The following NNMT variants were observed in gnomAD, a reference collection of about 807,000 sequenced individuals.
The protein encoded by NNMT is nicotinamide N-methyltransferase.
NNMT carries 10 observed loss-of-function variants against 11.7 expected under a neutral mutation model. That is an observed-to-expected ratio of 0.85 (90% CI 0.53 to 1.45). The LOEUF is 1.45. NNMT is among the 40% of genes most tolerant of loss of function. The pLI, the probability that NNMT is intolerant of heterozygous loss-of-function variation, is 0.00. For missense variants in NNMT, 381 were observed against 319.4 expected (o/e 1.19, Z -1.47); for synonymous variants, 143 against 133.8 (o/e 1.07, Z -0.48).
At chr11:114,274,181 C>T (rs1001106778) in intron 2 of NNMT, among the ~76,000 whole-genome samples, 1 of 152,196 alleles carries the variant, frequency 6.6e-6, no homozygotes, top group Non-Finnish European at 1.5e-5. Context: ...CCCAAACAAA[C>T]GTGTCTCTCT....
chr11:114,293,890 T>A (rs116713370), upstream of NNMT, among the ~76,000 whole-genome samples: 503 of 152,186 alleles, frequency 3.3e-3, 4 homozygotes, highest in South Asian at 0.019. Context: ...ACTCTAAGTG[T>A]CCATTAGCAG....
At position 114,269,782 on chromosome 11, in the gene NNMT, C is replaced by T. The variant is rs75085005; in HGVS notation, c.-130+6848C>T. Among the ~76,000 whole-genome samples, 71 of 152,270 alleles carry T rather than the reference C, an allele frequency of 4.7e-4. No homozygotes were observed. The East Asian group carries it at 0.013, about 29-fold the overall frequency. ...TGGCTTCTGTACTCATTACTTTATT[C>T]GTTTACTAGTGTCGACTTTTATCTT... On this transcript the variant is annotated intron_variant, in intron 2 of 4. Transcript: ENST00000535401.
chr11:114,273,697 G>A (rs1438943947), intron 2 of NNMT, among the ~76,000 whole-genome samples: 12 of 152,028 alleles, frequency 7.9e-5, no homozygotes, highest in Admixed American at 3.3e-4. Flanking sequence ...AAAATTAGCC[G>A]GGTATGGTGG....
intron 2 of NNMT, among the ~76,000 whole-genome samples, chr11:114,310,747 C>T (rs953443735): frequency 1.3e-5 from 2 of 152,226 alleles, no homozygotes; most frequent in Admixed American, 6.5e-5. Context: ...GTGCAATACC[C>T]AGGGGTCACT....
At chr11:114,295,582 GC>G (rs1437302681), upstream of NNMT, among the ~76,000 whole-genome samples, 1 of 151,394 alleles carries the variant, frequency 6.6e-6, no homozygotes, top group Non-Finnish European at 1.5e-5. Context: ...CTACCACCAA[GC>G]CCAGCTAATT....
intron 1 of NNMT, among the ~76,000 whole-genome samples, chr11:114,259,172 T>G (rs1301343165): frequency 6.6e-6 from 1 of 152,092 alleles, no homozygotes; most frequent in Admixed American, 6.5e-5. Context: ...CGGTAAATCT[T>G]TGTTGTATAA....
chr11:114,272,667 C>A (rs1464949045), intron 2 of NNMT, among the ~76,000 whole-genome samples: 1 of 152,216 alleles, frequency 6.6e-6, no homozygotes, highest in Non-Finnish European at 1.5e-5. Flanking sequence ...CTCTCTCCAC[C>A]TGCAGGGTGG....
chr11:114,285,147 T>C (rs1276788090), intron 2 of NNMT, among the ~76,000 whole-genome samples: 1 of 152,128 alleles, frequency 6.6e-6, no homozygotes, highest in African/African-American at 2.4e-5. Context: ...CTCCTTGGCA[T>C]CCTTCTCAAA....
chr11:114,286,786 C>A (rs1288494753), intron 2 of NNMT, among the ~76,000 whole-genome samples: 1 of 152,120 alleles, frequency 6.6e-6, no homozygotes, highest in Non-Finnish European at 1.5e-5. Context: ...AGGTGTGTAC[C>A]TGGACTGTAA....
chr11:114,267,007 T>G (rs10082624), intron 2 of NNMT, among the ~76,000 whole-genome samples: 4,680 of 152,292 alleles, frequency 0.031, 206 homozygotes, highest in African/African-American at 0.1. Flanking sequence ...GCTCACACTT[T>G]TAATCCCAGC....
upstream of NNMT, among the ~76,000 whole-genome samples, chr11:114,291,780 G>A (rs998461966): frequency 3.3e-5 from 5 of 152,074 alleles, no homozygotes; most frequent in Non-Finnish European, 5.9e-5. Context: ...TTCTGCATTT[G>A]CCACCTCTGT....
chr11:114,264,767 G>C (rs76191656), intron 2 of NNMT, among the ~76,000 whole-genome samples: 3,209 of 152,304 alleles, frequency 0.021, 97 homozygotes, highest in African/African-American at 0.071. Context: ...TTGCTAGAGT[G>C]GTTCACTGAA....
intron 2 of NNMT, among the ~76,000 whole-genome samples, chr11:114,265,957 C>G (rs1945116759): frequency 6.6e-6 from 1 of 152,110 alleles, no homozygotes; most frequent in African/African-American, 2.4e-5. Context: ...TGATGTTTGT[C>G]ACAGTACTGA....
Position 114,305,325 on chromosome 11 carries a change from T to C in NNMT, c.363-6720T>C, listed in dbSNP as rs183061198. Among the ~76,000 whole-genome samples, 4 of 149,340 alleles carry C rather than the reference T, an allele frequency of 2.7e-5. No homozygotes were observed. The East Asian group carries it at 8.0e-4, about 30-fold the overall frequency. On this transcript the variant is annotated intron_variant, in intron 2 of 2. Coordinates refer to ENST00000299964, the MANE Select transcript of NNMT (RefSeq NM_006169.3). ...ATGGACCACCTCCTGGTTGCCTCTG[T>C]AGAGAGTGGCTCCTCCTTTTTTTTT...
intron 2 of NNMT, among the ~76,000 whole-genome samples, chr11:114,279,520 C>T (rs1236488127): frequency 1.3e-5 from 2 of 152,116 alleles, no homozygotes; most frequent in Non-Finnish European, 1.5e-5. Context: ...AGTTGGATAC[C>T]AGAAGAAGCT....
At chr11:114,281,481 T>C (rs895432311) in intron 2 of NNMT, among the ~76,000 whole-genome samples, 1 of 152,114 alleles carries the variant, frequency 6.6e-6, no homozygotes, top group African/African-American at 2.4e-5. Context: ...GAAGTCTTCC[T>C]GGAATTCATG....
chr11:114,297,941 A>G lies in NNMT; in HGVS notation c.155-10A>G, dbSNP rs1223699233. On this transcript the variant is annotated splice_polypyrimidine_tract_variant and intron_variant, in intron 1 of 2. Transcript: ENST00000299964. ...CTGATCTCTCCTCTTTGTTCCTCCC[A>G]CTAATCCAGACGGTGTGAAGGGAGA... 4 of 1,611,830 alleles carry G rather than the reference A, an allele frequency of 2.5e-6. No individual in the cohort carries two copies. The highest frequency in any genetic ancestry group is 2.2e-5 in the South Asian group (2 of 91,000).
chr11:114,263,444 A>G (rs1407953350), intron 2 of NNMT, among the ~76,000 whole-genome samples: 1 of 152,152 alleles, frequency 6.6e-6, no homozygotes, highest in Non-Finnish European at 1.5e-5. Context: ...GCAGCTCCAG[A>G]GCTGAGCTCT....
In NNMT at chr11:114,312,239, T is replaced by C. The variant is rs142397660; in HGVS notation, c.557T>C (p.Leu186Pro). ...AGGGCGCTCAGGAACCTCGGCAGCC[T>C]ACTGAAGCCAGGGGGCTTCCTGGTG... The part of the protein sequence containing the change: ...YCRALRNLGS[L>P]LKPGGFLVIM... The change falls in exon 3 of 3, where the codon CTA (leucine) becomes CCA (proline). Residue 186 changes from leucine (L) to proline (P), a missense_variant. Leu to Pro is a moderately conservative substitution (Grantham distance 98). Transcript: ENST00000299964. 21 of 1,614,082 alleles carry C rather than the reference T, an allele frequency of 1.3e-5. No individual in the cohort carries two copies. The highest frequency in any genetic ancestry group is 1.8e-5 in the Non-Finnish European group (21 of 1,180,042).
Sources: gnomAD v4.1 joint callset for allele counts (sites outside exome capture counted in the v4.1 genomes callset) on GRCh38, gnomAD v4.1.1 for gene constraint, MANE v1.5 for transcripts, NCBI Gene and HGNC (gene_info 2026-07-23, HGNC 2026-07-21) for gene names.